The following SHOC1 variants were observed in gnomAD, a reference collection of about 807,000 sequenced individuals.
SHOC1 encodes the protein shortage in chiasmata 1, also known as protein shortage in chiasmata 1 ortholog.
SHOC1 carries 136 observed loss-of-function variants against 179.2 expected under a neutral mutation model. The observed-to-expected ratio is 0.76, with a 90% CI of 0.66 to 0.87. SHOC1 has a LOEUF of 0.87. SHOC1 is among the 40% of genes least tolerant of loss of function. The pLI, the probability that SHOC1 is intolerant of heterozygous loss-of-function variation, is 0.00. For missense variants in SHOC1, 1,538 were observed against 1,700.8 expected, an observed-to-expected ratio of 0.90 and a Z score of 1.68; for synonymous variants, 489 against 586.6, an observed-to-expected ratio of 0.83 and a Z score of 2.41.
intron 12 of SHOC1, among the ~76,000 whole-genome samples, chr9:111,729,622 C>T (rs1006633502): frequency 2.6e-5 from 4 of 152,076 alleles, no homozygotes; most frequent in African/African-American, 4.8e-5. Context: ...AGGTCAGGAG[C>T]GTGGCTCATG....
chr9:111,768,517 C>A (rs960624965), intron 5 of SHOC1, among the ~76,000 whole-genome samples: 19 of 152,186 alleles, frequency 1.2e-4, no homozygotes, highest in African/African-American at 4.6e-4. Flanking sequence ...CCGCGCCCAG[C>A]CATTATGTTG....
At chr9:111,765,167 C>T (rs1304965064) in intron 5 of SHOC1, among the ~76,000 whole-genome samples, 1 of 151,306 alleles carries the variant, frequency 6.6e-6, no homozygotes, top group Non-Finnish European at 1.5e-5. Context: ...GTTATACAAC[C>T]ATTTTAATTG....
At chr9:111,788,643 C>CATTTACAT (rs1836347428) in intron 2 of SHOC1, among the ~76,000 whole-genome samples, 1 of 152,148 alleles carries the variant, frequency 6.6e-6, no homozygotes, top group South Asian at 2.1e-4. Flanking sequence ...GGGATGACAT[C>CATTTACAT]ATTTACATAT....
chr9:111,737,643 G>A (rs1833865109), intron 12 of SHOC1, among the ~76,000 whole-genome samples: 1 of 151,284 alleles, frequency 6.6e-6, no homozygotes, highest in South Asian at 2.1e-4. Context: ...CTGGGCAACA[G>A]AGTGAGACTA....
chr9:111,770,898 T>C (rs1380707178), intron 5 of SHOC1, among the ~76,000 whole-genome samples: 2 of 152,158 alleles, frequency 1.3e-5, no homozygotes, highest in African/African-American at 4.8e-5. Flanking sequence ...TTTCAGTCTG[T>C]GTGTCTTTAT....
At position 111,737,948 on chromosome 9, in the gene SHOC1, GT is replaced by G. The variant is rs1833881046; in HGVS notation, c.1417+331del. The stretch of plus-strand genomic sequence containing the variant: ...CAGTTACTGCAAAATGCTGGTTTGC[GT>G]CTAGGCCAATGTGAACGGAAACTGC... On this transcript the variant is annotated intron_variant, in intron 12 of 27. Coordinates refer to ENST00000682961, the MANE Select transcript of SHOC1 (RefSeq NM_001378211.1). 9.5e-6 allele frequency: 3 copies of G among 315,108 alleles called. No individual in the cohort carries two copies. In the East Asian group the frequency reaches 1.7e-4, roughly 17 times the overall value. The allele number at this position is 315,108 out of a possible 1,614,324, so 19.5% of individuals were successfully genotyped here.
intron 3 of SHOC1, among the ~76,000 whole-genome samples, chr9:111,781,550 C>T (rs997928351): frequency 2.2e-4 from 33 of 152,086 alleles, no homozygotes; most frequent in Admixed American, 1.6e-3. Context: ...TGGCAAAACC[C>T]CATCTCTACT....
At chr9:111,762,931 T>C (rs1176489660) in intron 5 of SHOC1, among the ~76,000 whole-genome samples, 1 of 152,086 alleles carries the variant, frequency 6.6e-6, no homozygotes, top group Non-Finnish European at 1.5e-5. Context: ...AATATGATTA[T>C]ATATACTAGA....
intron 8 of SHOC1, among the ~76,000 whole-genome samples, chr9:111,749,986 C>T (rs1276255890): frequency 6.6e-6 from 1 of 152,106 alleles, no homozygotes; most frequent in East Asian, 1.9e-4. Context: ...AATGAACATA[C>T]ACATGCATCT....
chr9:111,730,127 C>T (rs1833499879), intron 12 of SHOC1, among the ~76,000 whole-genome samples: 2 of 152,164 alleles, frequency 1.3e-5, no homozygotes, highest in Non-Finnish European at 2.9e-5. Flanking sequence ...GGCTCCACTT[C>T]TAATTCTAGT....
At chr9:111,689,462 G>A (rs1001411117) in intron 27 of SHOC1, among the ~76,000 whole-genome samples, 5 of 151,436 alleles carry the variant, frequency 3.3e-5, no homozygotes, top group Non-Finnish European at 7.4e-5. Flanking sequence ...TATACACTTC[G>A]GGACAAATGG....
chr9:111,722,304 C>A (rs1367501545), intron 15 of SHOC1, 105 bp downstream of exon 15: 1 of 1,003,416 alleles, frequency 1.0e-6, no homozygotes, highest in South Asian at 1.8e-5. Context: ...GTCATGCCAC[C>A]ATCTATGGCT....
chr9:111,743,196 ATTCT>A (rs1201628236), intron 10 of SHOC1, among the ~76,000 whole-genome samples: 3 of 152,166 alleles, frequency 2.0e-5, no homozygotes, highest in African/African-American at 7.2e-5. Context: ...CTACAATAAC[ATTCT>A]TTGTTATTTT....
chr9:111,738,545 ATAGT>A (rs775781862), intron 11 of SHOC1, 23 bp from the exon 12 acceptor site: 40 of 1,521,416 alleles, frequency 2.6e-5, no homozygotes, highest in African/African-American at 1.3e-4. Context: ...TAAAAAACAA[ATAGT>A]TAGAAACAGT....
chr9:111,731,389 AC>A (rs2131453791), intron 12 of SHOC1, among the ~76,000 whole-genome samples: 1 of 151,700 alleles, frequency 6.6e-6, no homozygotes, highest in South Asian at 2.1e-4. Flanking sequence ...GAGTTGTGCA[AC>A]TCCTCCTTTC....
At chr9:111,686,896 C>A (rs753719247) in intron 27 of SHOC1, 26 bp from the exon 28 acceptor site, 1 of 1,361,760 alleles carries the variant, frequency 7.3e-7, no homozygotes, top group South Asian at 1.2e-5. Flanking sequence ...AAAGGAAAAC[C>A]ATTTTATTGC....
intron 2 of SHOC1, among the ~76,000 whole-genome samples, chr9:111,787,085 T>TG (rs956889008): frequency 2.0e-4 from 30 of 152,232 alleles, no homozygotes; most frequent in African/African-American, 5.5e-4. Context: ...GACCTACTTT[T>TG]GGGGGAAAAA....
At chr9:111,721,184 T>C (rs1833029968) in intron 15 of SHOC1, among the ~76,000 whole-genome samples, 1 of 152,192 alleles carries the variant, frequency 6.6e-6, no homozygotes, top group Admixed American at 6.5e-5. Flanking sequence ...GTATTCTCCT[T>C]AATCCTCTAT....
chr9:111,736,742 G>T (rs984384070), intron 12 of SHOC1, among the ~76,000 whole-genome samples: 8 of 152,104 alleles, frequency 5.3e-5, no homozygotes, highest in African/African-American at 1.9e-4. Context: ...AAGAGCTTCT[G>T]CACAGCAAAA....
Sources: gnomAD v4.1 joint callset for allele counts (sites outside exome capture counted in the v4.1 genomes callset) on GRCh38, gnomAD v4.1.1 for gene constraint, MANE v1.5 for transcripts, NCBI Gene and HGNC (gene_info 2026-07-23, HGNC 2026-07-21) for gene names.